The following VAT1L variants were observed in gnomAD, a reference collection of about 807,000 sequenced individuals.
VAT1L encodes the protein putative NADPH-dependent quinone oxidoreductase VAT1L.
VAT1L carries 34 observed loss-of-function variants against 44.1 expected under a neutral mutation model. The ratio of observed to expected loss-of-function variants is 0.77; its 90% CI spans 0.59 to 1.03. VAT1L has a LOEUF of 1.03. VAT1L is among the 50% of genes least tolerant of loss of function. The pLI is 0.00. For synonymous variants in VAT1L, 253 were observed against 202.2 expected, an observed-to-expected ratio of 1.25 and a Z score of -2.13; for missense variants, 615 against 538.8, an observed-to-expected ratio of 1.14 and a Z score of -1.40.
chr16:77,846,043 C>G (rs1385156464), intron 3 of VAT1L, among the ~76,000 whole-genome samples: 3 of 152,114 alleles, frequency 2.0e-5, no homozygotes, highest in Non-Finnish European at 4.4e-5. Flanking sequence ...GTGCTTCCAC[C>G]ACATATCACA....
chr16:77,802,028 C>A (rs1040226695), intron 1 of VAT1L, among the ~76,000 whole-genome samples: 6 of 152,136 alleles, frequency 3.9e-5, no homozygotes, highest in African/African-American at 1.4e-4. Context: ...TCTGTCTGAC[C>A]CCGGAGGAGA....
chr16:77,851,862 T>C (rs2016811644), intron 3 of VAT1L, among the ~76,000 whole-genome samples: 1 of 152,112 alleles, frequency 6.6e-6, no homozygotes, highest in Admixed American at 6.5e-5. Context: ...GTCCATATTG[T>C]CGTGTTTCCC....
chr16:77,879,538 A>G lies in VAT1L; in HGVS notation c.882+314A>G, dbSNP rs577625243. On this transcript the variant is annotated intron_variant, in intron 6 of 8. Transcript: ENST00000302536. This position sits in a 1 kb window ranked among gnomAD's most constrained non-coding sequence, Gnocchi z 4.1. ...TCTGACCTCGTGATCTGCCCGCCTC[A>G]GCCTCCCAAAGTGCTGGGATTACAG... is the stretch of plus-strand genomic sequence containing the variant. 1.4e-4 allele frequency among the ~76,000 whole-genome samples: 21 copies of G among 152,280 alleles called. No individual in the cohort carries two copies. The highest frequency in any genetic ancestry group is 3.9e-4 in the East Asian group (2 of 5,158).
chr16:77,961,302 T>C (rs1230760650), intron 7 of VAT1L, among the ~76,000 whole-genome samples: 3 of 152,110 alleles, frequency 2.0e-5, no homozygotes, highest in Non-Finnish European at 2.9e-5. Flanking sequence ...CCCACTCCGC[T>C]TTGCTAAGTC....
At chr16:77,871,047 A>G (rs959241754) in intron 4 of VAT1L, among the ~76,000 whole-genome samples, 1 of 152,218 alleles carries the variant, frequency 6.6e-6, no homozygotes, top group African/African-American at 2.4e-5. Flanking sequence ...AAGGGACTCA[A>G]CAGAGGTGGA....
chr16:77,908,339 G>A (rs932790533), intron 7 of VAT1L, among the ~76,000 whole-genome samples: 19 of 151,746 alleles, frequency 1.3e-4, no homozygotes, highest in African/African-American at 3.9e-4. Flanking sequence ...GTGAGTGCCT[G>A]TAATCCCTGC....
At chr16:77,904,756 C>G (rs2142479496) in intron 7 of VAT1L, among the ~76,000 whole-genome samples, 1 of 152,282 alleles carries the variant, frequency 6.6e-6, no homozygotes, top group Middle Eastern at 3.4e-3. Flanking sequence ...GAACTTTGGG[C>G]CAAGAAATGT....
At chr16:77,857,859 G>A (rs904430925) in intron 3 of VAT1L, among the ~76,000 whole-genome samples, 14 of 142,604 alleles carry the variant, frequency 9.8e-5, no homozygotes, top group African/African-American at 3.7e-4. Flanking sequence ...TTAACCATGT[G>A]CATGTTTTTC....
At chr16:77,818,933 T>C (rs2016401548) in intron 2 of VAT1L, among the ~76,000 whole-genome samples, 1 of 152,168 alleles carries the variant, frequency 6.6e-6, no homozygotes, top group Admixed American at 6.5e-5. Flanking sequence ...TCGCAAAGGA[T>C]GATGAAAAGC....
chr16:77,917,971 G>C (rs2017568402), intron 7 of VAT1L, among the ~76,000 whole-genome samples: 1 of 152,100 alleles, frequency 6.6e-6, no homozygotes, highest in African/African-American at 2.4e-5. Context: ...CTTCACCCTA[G>C]GAAAACATCA....
chr16:77,825,160 C>A, intron 2 of VAT1L, 86 bp from the exon 3 acceptor site: 1 of 1,473,484 alleles, frequency 6.8e-7, no homozygotes, highest in Non-Finnish European at 9.5e-7. Flanking sequence ...AGCCACAGCG[C>A]CTGGCCAGCT....
chr16:77,869,748 A>G (rs947611691), intron 4 of VAT1L, among the ~76,000 whole-genome samples: 1 of 152,204 alleles, frequency 6.6e-6, no homozygotes, highest in African/African-American at 2.4e-5. Context: ...GGAAACTGCG[A>G]TAAAGCACAA....
chr16:77,844,090 TAC>T (rs897872934), intron 3 of VAT1L, among the ~76,000 whole-genome samples: 8 of 152,098 alleles, frequency 5.3e-5, no homozygotes, highest in South Asian at 4.1e-4. Flanking sequence ...AGCAAATATA[TAC>T]ACACACACAC....
intron 7 of VAT1L, among the ~76,000 whole-genome samples, chr16:77,885,801 T>C (rs1223952405): frequency 5.3e-5 from 8 of 152,152 alleles, no homozygotes; most frequent in Non-Finnish European, 7.3e-5. Flanking sequence ...GCCTGAACGA[T>C]TACATTGGCC....
chr16:77,808,406 T>C (rs1473639216), intron 1 of VAT1L, among the ~76,000 whole-genome samples: 2 of 152,106 alleles, frequency 1.3e-5, no homozygotes, highest in Non-Finnish European at 2.9e-5. Flanking sequence ...TATATTACAA[T>C]GTAATAATAA....
At position 77,817,063 on chromosome 16, in the gene VAT1L, T is replaced by C; in HGVS notation, c.363+13T>C. On this transcript the variant is annotated intron_variant, in intron 2 of 8. Coordinates refer to ENST00000302536, the MANE Select transcript of VAT1L (RefSeq NM_020927.3). ...GAAAGGATATGAGGTAATGTTTGGC[T>C]CTCAATTGAAGAGTAATATTCATTT... The C allele has an allele frequency of 1.2e-6, 2 of 1,609,538 alleles. No homozygotes were observed. Among genetic ancestry groups the C allele is most frequent in the Non-Finnish European group, 1.7e-6 (2 of 1,178,620 alleles).
intron 7 of VAT1L, among the ~76,000 whole-genome samples, chr16:77,912,352 A>G (rs1396015839): frequency 6.6e-6 from 1 of 152,184 alleles, no homozygotes; most frequent in African/African-American, 2.4e-5. Context: ...ACAAAATAAC[A>G]TGATGAAAAA....
At chr16:77,895,611 T>C (rs395792) in intron 7 of VAT1L, among the ~76,000 whole-genome samples, 136,992 of 152,268 alleles carry the variant, frequency 0.9, 62,101 homozygotes, top group Non-Finnish European at 0.95. Flanking sequence ...GCCAGCCCTG[T>C]TGACACCTTG....
intron 7 of VAT1L, among the ~76,000 whole-genome samples, chr16:77,898,918 T>C (rs555120032): frequency 9.8e-5 from 15 of 152,340 alleles, no homozygotes; most frequent in East Asian, 5.8e-4. Flanking sequence ...TAGTCTCTGA[T>C]TACTAAACTG....
Sources: allele counts gnomAD v4.1 joint callset (sites outside exome capture counted in the v4.1 genomes callset), GRCh38; gene constraint gnomAD v4.1.1; non-coding constraint Gnocchi (gnomAD v3.1); transcripts MANE v1.5; gene names NCBI Gene and HGNC (gene_info 2026-07-23, HGNC 2026-07-21).